The following CNTN6 variants were observed in gnomAD, a reference collection of about 807,000 sequenced individuals.
CNTN6 encodes contactin-6.
CNTN6 carries 137 observed loss-of-function variants against 122.8 expected under a neutral mutation model. The observed-to-expected ratio is 1.12, with a 90% CI of 0.97 to 1.29. CNTN6 has a LOEUF of 1.29. CNTN6 is among the 50% of genes most tolerant of loss of function. CNTN6 has a pLI of 0.00. For missense variants in CNTN6, 1,634 were observed against 1,223.4 expected (o/e 1.34, Z -5.01); for synonymous variants, 570 against 426.0 (o/e 1.34, Z -4.16).
intron 12 of CNTN6, among the ~76,000 whole-genome samples, chr3:1,354,255 GATAGA>G (rs1706169919): frequency 1.7e-5 from 1 of 58,710 alleles, no homozygotes; most frequent in African/African-American, 1.3e-4. Context: ...TAGTACTTAT[GATAGA>G]AATAAGTTTA....
chr3:1,149,748 T>C (rs1209685171), intron 2 of CNTN6, among the ~76,000 whole-genome samples: 3 of 152,158 alleles, frequency 2.0e-5, no homozygotes, highest in Non-Finnish European at 4.4e-5. Context: ...CCAAATCATA[T>C]ATGTGTGAAT....
chr3:1,387,144 C>A (rs1415311075), intron 20 of CNTN6, among the ~76,000 whole-genome samples: 6 of 151,140 alleles, frequency 4.0e-5, no homozygotes, highest in Non-Finnish European at 5.9e-5. Context: ...GTCCTCACTC[C>A]TTCCCAAATT....
chr3:1,357,136 C>A (rs1706691874), intron 12 of CNTN6, among the ~76,000 whole-genome samples: 1 of 151,762 alleles, frequency 6.6e-6, no homozygotes, highest in African/African-American at 2.4e-5. Context: ...GTTAATACAG[C>A]ATAGGTTTTA....
chr3:1,273,364 TTC>T (rs1379719072), intron 4 of CNTN6, among the ~76,000 whole-genome samples: 4 of 152,204 alleles, frequency 2.6e-5, no homozygotes, highest in African/African-American at 9.6e-5. Context: ...AAACTGGTGG[TTC>T]TCTCTGGCCT....
chr3:1,390,550 T>G (rs1038562745), intron 20 of CNTN6, among the ~76,000 whole-genome samples: 55 of 151,540 alleles, frequency 3.6e-4, no homozygotes, highest in Non-Finnish European at 1.0e-4. Flanking sequence ...AAGAAAGAAA[T>G]AACTAAAATC....
At chr3:1,100,390 C>T (rs1222066158) in intron 1 of CNTN6, among the ~76,000 whole-genome samples, 1 of 152,120 alleles carries the variant, frequency 6.6e-6, no homozygotes, top group Non-Finnish European at 1.5e-5. Context: ...GTAATTATCA[C>T]ACTTTTGAAT....
intron 5 of CNTN6, among the ~76,000 whole-genome samples, chr3:1,281,967 G>T (rs1158210500): frequency 7.3e-6 from 1 of 137,046 alleles, no homozygotes; most frequent in African/African-American, 2.8e-5. Context: ...ATATTTTAGT[G>T]TGATATATAT....
At chr3:1,383,977 G>A (rs1692346355) in intron 19 of CNTN6, among the ~76,000 whole-genome samples, 1 of 150,734 alleles carries the variant, frequency 6.6e-6, no homozygotes, top group African/African-American at 2.5e-5. Context: ...CCTCTTCCCT[G>A]TTTCAGTCAG....
chr3:1,276,126 TAAGTA>T (rs1289581260), intron 4 of CNTN6, among the ~76,000 whole-genome samples: 1 of 152,234 alleles, frequency 6.6e-6, no homozygotes, highest in Non-Finnish European at 1.5e-5. Context: ...AAGACAGATG[TAAGTA>T]AAGATGGGTA....
intron 1 of CNTN6, among the ~76,000 whole-genome samples, chr3:1,106,591 T>C (rs1240374203): frequency 6.6e-6 from 1 of 152,092 alleles, no homozygotes; most frequent in Non-Finnish European, 1.5e-5. Context: ...GTAATAAATA[T>C]TAAAGCCATG....
chr3:1,385,918 G>T, intron 20 of CNTN6, 121 bp downstream of exon 20: 2 of 940,422 alleles, frequency 2.1e-6, no homozygotes, highest in Admixed American at 3.0e-5. Context: ...TTGGTTAGTT[G>T]GTTTGTCCCT....
chr3:1,301,398 TAATA>T (rs1416226066), intron 7 of CNTN6, among the ~76,000 whole-genome samples: 1 of 152,146 alleles, frequency 6.6e-6, no homozygotes, highest in Admixed American at 6.6e-5. Context: ...GTTGGAAAAT[TAATA>T]GTTTAAAAAA....
chr3:1,359,113 A>G (rs1222551875), intron 12 of CNTN6, among the ~76,000 whole-genome samples: 1 of 152,050 alleles, frequency 6.6e-6, no homozygotes, highest in Non-Finnish European at 1.5e-5. Context: ...TACAGCCAGC[A>G]TGAAGTTACT....
At chr3:1,334,142 A>G (rs1702714539) in intron 11 of CNTN6, among the ~76,000 whole-genome samples, 1 of 152,170 alleles carries the variant, frequency 6.6e-6, no homozygotes, top group Admixed American at 6.6e-5. Context: ...ATGGCATTAC[A>G]GAGTCCGAAG....
chr3:1,400,852 T>C (rs1695598409), intron 20 of CNTN6, among the ~76,000 whole-genome samples: 1 of 152,022 alleles, frequency 6.6e-6, no homozygotes, highest in Non-Finnish European at 1.5e-5. Context: ...ATAAGCAGAG[T>C]GAAGACTGTG....
intron 4 of CNTN6, among the ~76,000 whole-genome samples, chr3:1,237,682 T>C (rs986656439): frequency 1.3e-5 from 2 of 152,152 alleles, no homozygotes; most frequent in African/African-American, 4.8e-5. Flanking sequence ...GGAAAACCTA[T>C]CAGATTAACA....
intron 7 of CNTN6, among the ~76,000 whole-genome samples, chr3:1,304,534 T>C (rs1168237327): frequency 2.0e-5 from 3 of 152,172 alleles, no homozygotes; most frequent in Non-Finnish European, 4.4e-5. Flanking sequence ...AGATGTAGTA[T>C]GACCCTCAAT....
chr3:1,202,561 A>C (rs1575218925), intron 2 of CNTN6, among the ~76,000 whole-genome samples: 1 of 74,584 alleles, frequency 1.3e-5, no homozygotes, highest in East Asian at 4.4e-4. Flanking sequence ...TAAATAAATA[A>C]ATAAATAAAT....
chr3:1,295,123 G>A (rs770880643), intron 5 of CNTN6, among the ~76,000 whole-genome samples: 8 of 152,130 alleles, frequency 5.3e-5, no homozygotes, highest in Non-Finnish European at 1.0e-4. Context: ...ATGATCAAAT[G>A]AGTGAACTTC....
Sources: gnomAD v4.1 joint callset for allele counts (sites outside exome capture counted in the v4.1 genomes callset) on GRCh38, gnomAD v4.1.1 for gene constraint, MANE v1.5 for transcripts, NCBI Gene and HGNC (gene_info 2026-07-23, HGNC 2026-07-21) for gene names.